ZNF202: variants seen among roughly 807,000 people sequenced by gnomAD.
The protein encoded by ZNF202 is zinc finger protein with KRAB and SCAN domains 10.
ZNF202 carries 22 observed loss-of-function variants against 54.5 expected under a neutral mutation model. The ratio of observed to expected loss-of-function variants is 0.40; its 90% confidence interval spans 0.29 to 0.58. The LOEUF is 0.58. Ranked by LOEUF, ZNF202 falls within the 20% of genes least tolerant of loss-of-function variation. The pLI is 0.39. For missense variants in ZNF202, 644 were observed against 805.5 expected (o/e 0.80, Z 2.43); for synonymous variants, 294 against 301.4 (o/e 0.98, Z 0.26).
intron 3 of ZNF202, among the ~76,000 whole-genome samples, chr11:123,733,694 A>C (rs1448369235): frequency 6.6e-6 from 1 of 152,140 alleles, no homozygotes; most frequent in Non-Finnish European, 1.5e-5. Flanking sequence ...AAGCACTGTT[A>C]CCAGAGGCTG....
At chr11:123,737,809 T>C (rs1861694186) in intron 3 of ZNF202, among the ~76,000 whole-genome samples, 1 of 152,184 alleles carries the variant, frequency 6.6e-6, no homozygotes, top group South Asian at 2.1e-4. Flanking sequence ...AGGTGTCATC[T>C]TGGACAAGTC....
Position 123,726,724 on chromosome 11 carries a change from G to A in ZNF202, c.1220C>T (p.Thr407Ile). ...HDCSVCGKSF[T>I]CNSHLVRHLR... is the part of the protein sequence containing the mutation. ...GTGTCTAACAAGGTGGGAGTTACAA[G>A]TGAAGCTCTTTCCACACACAGAACA... is the stretch of plus-strand genomic sequence containing the variant. The change falls in exon 9 of 9, where the codon ACT (threonine) becomes ATT (isoleucine). Residue 407 changes from threonine to isoleucine, a missense_variant. This residue lies in a region of ZNF202 where 536 missense variants were observed against 635.3 expected (regional missense o/e 0.84). Coordinates refer to ENST00000530393, the MANE Select transcript of ZNF202 (RefSeq NM_003455.4). The surrounding 1 kb of genome is among the most constrained non-coding windows in gnomAD (Gnocchi z 6.0). 1 of 1,614,218 alleles carries A rather than the reference G, an allele frequency of 6.2e-7. No homozygotes were observed. Among genetic ancestry groups the A allele is most frequent in the Non-Finnish European group, 8.5e-7 (1 of 1,180,034 alleles).
intron 3 of ZNF202, among the ~76,000 whole-genome samples, chr11:123,739,246 G>C (rs1162479338): frequency 1.3e-5 from 2 of 152,162 alleles, no homozygotes; most frequent in East Asian, 1.9e-4. Context: ...CAATCTCTTG[G>C]GGGTAATCAA....
chr11:123,726,605 G>A lies in ZNF202; in HGVS notation c.1339C>T (p.His447Tyr). ...TATTTGTAAGGCGCGTTCATCTTGTGAACCTTTTGGTGCCTGGCAAGATGT... is the reference window on the plus strand; with the variant it reads ...TATTTGTAAGGCGCGTTCATCTTGTAAACCTTTTGGTGCCTGGCAAGATGT... ...SSHLARHQKV[H>Y]KMNAPYKYPL... The change falls in exon 9 of 9, where the codon CAC (histidine) becomes TAC (tyrosine). Residue 447 changes from histidine to tyrosine, a missense_variant. By Grantham distance (83) the His-to-Tyr change is moderately conservative. This residue lies in a region of ZNF202 where 536 missense variants were observed against 635.3 expected (regional missense o/e 0.84). Coordinates refer to ENST00000530393, the MANE Select transcript of ZNF202 (RefSeq NM_003455.4). The surrounding 1 kb of genome is among the most constrained non-coding windows in gnomAD (Gnocchi z 6.0). 1 of 1,614,160 alleles carries A rather than the reference G, an allele frequency of 6.2e-7. No homozygotes were observed. Among genetic ancestry groups the A allele is most frequent in the Non-Finnish European group, 8.5e-7 (1 of 1,180,026 alleles).
chr11:123,734,239 T>C (rs113833091), intron 3 of ZNF202, among the ~76,000 whole-genome samples: 1,678 of 152,196 alleles, frequency 0.011, 16 homozygotes, highest in African/African-American at 0.037. Context: ...CCACCTGCAA[T>C]ACTCCAAGTA....
chr11:123,736,775 A>ATT (rs1326874286), intron 3 of ZNF202, among the ~76,000 whole-genome samples: 1 of 152,142 alleles, frequency 6.6e-6, no homozygotes, highest in Non-Finnish European at 1.5e-5. Flanking sequence ...TATCCTCAAA[A>ATT]ATGTGGCTAA....
At chr11:123,737,155 A>AT (rs1445341655) in intron 3 of ZNF202, among the ~76,000 whole-genome samples, 3 of 152,148 alleles carry the variant, frequency 2.0e-5, no homozygotes, top group Admixed American at 6.5e-5. Flanking sequence ...ACCGAAGACC[A>AT]TATCAGCAAT....
In ZNF202 at chr11:123,730,470, G is replaced by C. The variant is rs1407493219; in HGVS notation, c.402+17C>G. 11 of 1,516,332 alleles carry C rather than the reference G, an allele frequency of 7.3e-6. No individual in the cohort carries two copies. The highest frequency in any genetic ancestry group is 1.4e-5 in the African/African-American group (1 of 71,660). 93.9% of individuals were successfully genotyped at this position (1,516,332 alleles called of 1,614,324 possible). On this transcript the variant is annotated intron_variant, in intron 4 of 8. Coordinates refer to ENST00000530393, the MANE Select transcript of ZNF202 (RefSeq NM_003455.4). This position sits in a 1 kb window ranked among gnomAD's most constrained non-coding sequence, Gnocchi z 6.0. Reference sequence around the variant, plus strand: ...GTCCCCCTCCACATCACACAGATCAGGACTCCCCCTCCTCACCCACCGCCT... The same window carrying C: ...GTCCCCCTCCACATCACACAGATCACGACTCCCCCTCCTCACCCACCGCCT...
intron 3 of ZNF202, chr11:123,739,688 C>G (rs1861781409): frequency 6.6e-6 from 1 of 152,188 alleles, no homozygotes; most frequent in South Asian, 2.1e-4. Flanking sequence ...TATAAAAGAT[C>G]AGATTACTAG....
rs1565518461 is a variant in ZNF202, at chr11:123,726,182, CGT to C, written c.1760_1761del (p.His587ArgfsTer51). 2 of 1,614,084 alleles carry C rather than the reference CGT, an allele frequency of 1.2e-6. No homozygotes were observed. The highest frequency in any genetic ancestry group is 2.2e-5 in the East Asian group (1 of 44,896). ...SAAFAKHLRG[H>X]ASVRPCRCNE... ...TTGCATCGGCAGGGCCTCACTGAGG[CGT>C]GTCCTCTCAAGTGCTTGGCGAACGC... On this transcript the variant is annotated frameshift_variant, in exon 9 of 9. Transcript: ENST00000530393. LOFTEE classifies it high-confidence loss of function. This position sits in a 1 kb window ranked among gnomAD's most constrained non-coding sequence, Gnocchi z 6.0.
Position 123,725,918 on chromosome 11 carries a change from G to A in ZNF202, c.*79C>T. On this transcript the variant is annotated 3_prime_UTR_variant, in exon 9 of 9. Coordinates refer to ENST00000530393, the MANE Select transcript of ZNF202 (RefSeq NM_003455.4). Reference sequence around the variant, plus strand: ...AGACTCCCTCGAAAAGGTCTTCCCAGGCTGACAAGAGGGCTTTTCCTCTTC... The same window carrying A: ...AGACTCCCTCGAAAAGGTCTTCCCAAGCTGACAAGAGGGCTTTTCCTCTTC... The A allele has an allele frequency of 1.3e-6, 2 of 1,503,058 alleles. No individual in the cohort carries two copies. The highest frequency in any genetic ancestry group is 1.8e-6 in the Non-Finnish European group (2 of 1,126,060). The allele number at this position is 1,503,058 out of a possible 1,614,324, so 93.1% of individuals were successfully genotyped here.
Position 123,730,641 on chromosome 11 carries a change from T to A in ZNF202, c.248A>T (p.Glu83Val). 1 of 1,613,820 alleles carries A rather than the reference T, an allele frequency of 6.2e-7. No homozygotes were observed. The highest frequency in any genetic ancestry group is 1.1e-5 in the South Asian group (1 of 91,056). The change falls in exon 4 of 9, where the codon GAG (glutamate) becomes GTG (valine). Residue 83 changes from glutamate (E) to valine (V), a missense_variant. Transcript: ENST00000530393. The surrounding 1 kb of genome is among the most constrained non-coding windows in gnomAD (Gnocchi z 6.0). ...QWLRPERRTKEQILELLVLEQ... is the reference protein window; with the variant it reads ...QWLRPERRTKVQILELLVLEQ... ...CAGCACAAGCAGCTCTAGGATCTGC[T>A]CCTTTGTCCGCCTCTCTGGTCTCAG...
rs1387072928 is a variant in ZNF202, at chr11:123,725,927, G to A, written c.*70C>T. The stretch of plus-strand genomic sequence containing the variant: ...CGAAAAGGTCTTCCCAGGCTGACAA[G>A]AGGGCTTTTCCTCTTCCTCACCTCC... On this transcript the variant is annotated 3_prime_UTR_variant, in exon 9 of 9. Coordinates refer to ENST00000530393, the MANE Select transcript of ZNF202 (RefSeq NM_003455.4). 2.6e-6 allele frequency: 4 copies of A among 1,521,858 alleles called. No individual in the cohort carries two copies. Among genetic ancestry groups the A allele is most frequent in the Middle Eastern group, 1.9e-4 (1 of 5,204 alleles). The allele number at this position is 1,521,858 out of a possible 1,614,324, so 94.3% of individuals were successfully genotyped here. A position where few individuals can be genotyped will look rare whatever the true frequency, so the allele number is the denominator to read the frequency against.
At chr11:123,735,460 C>T (rs1408217074) in intron 3 of ZNF202, among the ~76,000 whole-genome samples, 1 of 152,130 alleles carries the variant, frequency 6.6e-6, no homozygotes, top group Non-Finnish European at 1.5e-5. Flanking sequence ...TTTGCATTTA[C>T]TTTGGCAGCC....
chr11:123,728,974 C>T, intron 6 of ZNF202, 152 bp downstream of exon 6: 1 of 690,154 alleles, frequency 1.4e-6, no homozygotes, highest in Non-Finnish European at 2.4e-6. Context: ...TAATTTATCT[C>T]ATTATCTCCT....
At chr11:123,732,936 A>AT (rs1328235166) in intron 3 of ZNF202, among the ~76,000 whole-genome samples, 6 of 152,244 alleles carry the variant, frequency 3.9e-5, no homozygotes, top group African/African-American at 1.4e-4. Context: ...CGGTTGAGCC[A>AT]TTATGACCCA....
In ZNF202 at chr11:123,725,347, C is replaced by T. The variant is rs10904; in HGVS notation, c.*650G>A. The T allele has an allele frequency of 0.33, 49,731 of 152,114 alleles. 8,398 individuals carry two copies. The highest frequency in any genetic ancestry group is 0.45 in the Middle Eastern group (133 of 294). The allele number at this position is 152,114 out of a possible 1,614,324, so 9.4% of individuals were successfully genotyped here. A position where few individuals can be genotyped will look rare whatever the true frequency, so the allele number is the denominator to read the frequency against. ...TGTTTGGCACCTGATAACAATTTGA[C>T]GCTGGGGGAGGGAGCAGCTTGACAA... On this transcript the variant is annotated 3_prime_UTR_variant, in exon 9 of 9. Coordinates refer to ENST00000530393, the MANE Select transcript of ZNF202 (RefSeq NM_003455.4).
In ZNF202 at chr11:123,727,545, G is replaced by T; in HGVS notation, c.883C>A (p.Pro295Thr). 4 of 1,614,120 alleles carry T rather than the reference G, an allele frequency of 2.5e-6. No homozygotes were observed. The highest frequency in any genetic ancestry group is 3.4e-6 in the Non-Finnish European group (4 of 1,180,006). ...GGCTCTTGGATATCTGGGACCCAAG[G>T]CTCTTCCTCTCTAACCTGGGAGATC... ...DEISQVREEE[P>T]WVPDIQEPQE... The change falls in exon 8 of 9, where the codon CCT becomes ACT. Residue 295 changes from proline to threonine, a missense_variant. Around this residue, in one of 3 missense-constraint regions of ZNF202, gnomAD observed 536 missense variants for 635.3 expected, o/e 0.84. Transcript: ENST00000530393.
intron 3 of ZNF202, among the ~76,000 whole-genome samples, chr11:123,739,221 C>T (rs1046946876): frequency 2.0e-5 from 3 of 152,176 alleles, no homozygotes; most frequent in Non-Finnish European, 4.4e-5. Context: ...AGGAATTTGG[C>T]ATAAGCATTT....
Sources: allele counts gnomAD v4.1 joint callset (sites outside exome capture counted in the v4.1 genomes callset), GRCh38; gene constraint gnomAD v4.1.1; regional missense constraint gnomAD v4.1.1; non-coding constraint Gnocchi (gnomAD v3.1); transcripts MANE v1.5; gene names NCBI Gene and HGNC (gene_info 2026-07-23, HGNC 2026-07-21).